Variants in UGT2B17 observed in about 807,000 individuals in gnomAD.
UGT2B17 encodes UDP glucuronosyltransferase family 2 member B17, also known as UDP-glucuronosyltransferase 2B17.
Under a neutral mutation model 48.2 loss-of-function variants are expected in UGT2B17, and 21 were observed. The observed-to-expected ratio is 0.44, with a 90% CI of 0.31 to 0.63. UGT2B17 has a LOEUF of 0.63. Ranked by LOEUF, UGT2B17 falls within the 20% of genes least tolerant of loss-of-function variation. The probability of loss-of-function intolerance (pLI) is 0.08; values close to 1 mark genes in which losing one functional copy is unlikely to be tolerated. For missense variants in UGT2B17, 402 were observed against 696.1 expected (o/e 0.58, Z 4.75); for synonymous variants, 146 against 238.4 (o/e 0.61, Z 3.57).
chr4:68,572,433 A>G (rs753362284), intron 1 of UGT2B17, among the ~76,000 whole-genome samples: 1 of 126,588 alleles, frequency 7.9e-6, no homozygotes, highest in Non-Finnish European at 1.7e-5. Context: ...ATAGAATAGC[A>G]TTATACAAAC....
In UGT2B17 at chr4:68,569,873, C is replaced by T. The variant is rs549671336; in HGVS notation, c.-64-1325G>A. ...TGCACCCAGGCACTCATTAAAACAG[C>T]ACGCTGCTCCGCACTGCCTCGTGTT... On this transcript the variant is annotated intron_variant, in intron 1 of 6. Transcript: ENST00000317746. Among the ~76,000 whole-genome samples the T allele has an allele frequency of 5.5e-5, 7 of 126,614 alleles. 1 individual carries two copies. The highest frequency in any genetic ancestry group is 1.9e-4 in the African/African-American group (7 of 37,038). The allele number at this position is 126,614 out of a possible 152,430, so 83.1% of individuals were successfully genotyped here. A position where few individuals can be genotyped will look rare whatever the true frequency, so the allele number is the denominator to read the frequency against.
At position 68,573,138 on chromosome 4, in the gene UGT2B17, A is replaced by G. The variant is rs1233346364; in HGVS notation, c.-65+2813T>C. On this transcript the variant is annotated intron_variant, in intron 1 of 6. Coordinates refer to ENST00000317746, the MANE Select transcript of UGT2B17 (RefSeq NM_001077.4). ...ACTTTATGTTTAGGTTTTTCCTAAGAGTTAGCTTATTTGCTTCTTGTGTTA... is the reference window on the plus strand; with the variant it reads ...ACTTTATGTTTAGGTTTTTCCTAAGGGTTAGCTTATTTGCTTCTTGTGTTA... Among the ~76,000 whole-genome samples, 2 of 127,488 alleles carry G rather than the reference A, an allele frequency of 1.6e-5. 1 individual carries two copies. Among genetic ancestry groups the G allele is most frequent in the East Asian group, 1.5e-3 (2 of 1,358 alleles). 83.6% of individuals were successfully genotyped at this position (127,488 alleles called of 152,430 possible). A position where few individuals can be genotyped will look rare whatever the true frequency, so the allele number is the denominator to read the frequency against.
chr4:68,554,888 C>A (rs143647579), intron 4 of UGT2B17, among the ~76,000 whole-genome samples: 1,577 of 124,682 alleles, frequency 0.013, 316 homozygotes, highest in African/African-American at 0.04. Flanking sequence ...TTTTTATAAA[C>A]CTGTAAGATG....
rs1731284127 is a variant in UGT2B17, at chr4:68,570,634, G to T, written c.-64-2086C>A. Among the ~76,000 whole-genome samples the T allele has an allele frequency of 1.6e-5, 2 of 126,366 alleles. 1 individual carries two copies. The highest frequency in any genetic ancestry group is 3.4e-5 in the Non-Finnish European group (2 of 59,658). 82.9% of individuals were successfully genotyped at this position (126,366 alleles called of 152,430 possible). A position where few individuals can be genotyped will look rare whatever the true frequency, so the allele number is the denominator to read the frequency against. On this transcript the variant is annotated intron_variant, in intron 1 of 6. Coordinates refer to ENST00000317746, the MANE Select transcript of UGT2B17 (RefSeq NM_001077.4). ...TTTACTTATGTCTTTTTGTGGAATAGACTGATAGTGATTCATATAGTACAG... is the reference window on the plus strand; with the variant it reads ...TTTACTTATGTCTTTTTGTGGAATATACTGATAGTGATTCATATAGTACAG...
rs549022546 is a variant in UGT2B17, at chr4:68,558,765, A to G, written c.1005+1772T>C. On this transcript the variant is annotated intron_variant, in intron 4 of 6. Coordinates refer to ENST00000317746, the MANE Select transcript of UGT2B17 (RefSeq NM_001077.4). ...CTCCAAAAGATTTTTTTAAAATGTA[A>G]AATGAAAATAAACCTGGGGGCCCCA... is the stretch of plus-strand genomic sequence containing the variant. 9.6e-5 allele frequency among the ~76,000 whole-genome samples: 12 copies of G among 125,508 alleles called. 2 individuals carry two copies. Among genetic ancestry groups the G allele is most frequent in the African/African-American group, 3.2e-4 (12 of 36,936 alleles). The allele number at this position is 125,508 out of a possible 152,430, so 82.3% of individuals were successfully genotyped here. A position where few individuals can be genotyped will look rare whatever the true frequency, so the allele number is the denominator to read the frequency against.
rs1410654945 is a variant in UGT2B17 at position 68,543,305 on chromosome 4, T to G, written c.1314-5401A>C. ...ATATCCACTGTTCTGCAGTGTCCGC[T>G]GCTGATACCCAGGCAAACAGGATCT... On this transcript the variant is annotated intron_variant, in intron 6 of 6. Coordinates refer to ENST00000317746, the MANE Select transcript of UGT2B17 (RefSeq NM_001077.4). Among the ~76,000 whole-genome samples, 6 of 125,710 alleles carry G rather than the reference T, an allele frequency of 4.8e-5. 2 individuals carry two copies. Among genetic ancestry groups the G allele is most frequent in the Non-Finnish European group, 8.4e-5 (5 of 59,468 alleles). 82.5% of individuals were successfully genotyped at this position (125,710 alleles called of 152,430 possible). A position where few individuals can be genotyped will look rare whatever the true frequency, so the allele number is the denominator to read the frequency against.
At chr4:68,567,575 A>G (rs62317000) in intron 2 of UGT2B17, among the ~76,000 whole-genome samples, 186 bp downstream of exon 2, 5 of 123,734 alleles carry the variant, frequency 4.0e-5, no homozygotes, top group African/African-American at 1.1e-4. Context: ...CAGTGATGGC[A>G]CCAGGGTTCT....
chr4:68,542,981 C>T (rs368730038), intron 6 of UGT2B17, among the ~76,000 whole-genome samples: 4 of 126,618 alleles, frequency 3.2e-5, no homozygotes, highest in Admixed American at 8.0e-5. Flanking sequence ...AGCTCAAGGA[C>T]GCCTGCCTGC....
At chr4:68,558,017 C>G (rs1388342031) in intron 4 of UGT2B17, among the ~76,000 whole-genome samples, 1 of 124,772 alleles carries the variant, frequency 8.0e-6, no homozygotes, top group Non-Finnish European at 1.7e-5. Context: ...CTATGGCTTG[C>G]CTCAGCTTTA....
rs536975408 is a variant in UGT2B17 at position 68,546,948 on chromosome 4, C to T, written c.1313+3729G>A. ...AAGAGGAAACAAACCAATGGAAGAA[C>T]GTTCCATGCTCATGGGTAGGAAGAA... On this transcript the variant is annotated intron_variant, in intron 6 of 6. Transcript: ENST00000317746. 1.6e-4 allele frequency among the ~76,000 whole-genome samples: 20 copies of T among 125,784 alleles called. 3 individuals carry two copies. Among genetic ancestry groups the T allele is most frequent in the African/African-American group, 4.6e-4 (17 of 36,910 alleles). 82.5% of individuals were successfully genotyped at this position (125,784 alleles called of 152,430 possible). A position where few individuals can be genotyped will look rare whatever the true frequency, so the allele number is the denominator to read the frequency against.
At chr4:68,547,963 T>C (rs1730847778) in intron 6 of UGT2B17, among the ~76,000 whole-genome samples, 1 of 126,218 alleles carries the variant, frequency 7.9e-6, no homozygotes, top group Admixed American at 8.1e-5. Context: ...TAGGAACACT[T>C]TTACACTGTT....
chr4:68,564,796 C>G (rs1456395479), intron 3 of UGT2B17, among the ~76,000 whole-genome samples: 2 of 124,832 alleles, frequency 1.6e-5, no homozygotes, highest in Non-Finnish European at 3.4e-5. Flanking sequence ...TGCCCCCAGA[C>G]TCAAGCAAGC....
intron 6 of UGT2B17, among the ~76,000 whole-genome samples, chr4:68,542,444 A>G (rs1264990802): frequency 1.6e-5 from 2 of 126,416 alleles, no homozygotes; most frequent in Admixed American, 1.6e-4. Context: ...CTTTGAATAT[A>G]TAAATTACTG....
chr4:68,542,618 C>G (rs1278146001), intron 6 of UGT2B17, among the ~76,000 whole-genome samples: 1 of 126,152 alleles, frequency 7.9e-6, no homozygotes, highest in Admixed American at 8.1e-5. Flanking sequence ...CAGCGCACCA[C>G]GTGTGAGCCA....
At chr4:68,563,690 AT>A (rs1002721604) in intron 3 of UGT2B17, among the ~76,000 whole-genome samples, 13 of 124,632 alleles carry the variant, frequency 1.0e-4, no homozygotes, top group South Asian at 3.8e-4. Flanking sequence ...GTGAGTGAGG[AT>A]TTTTTTTTGA....
At chr4:68,567,307 T>C (rs1731217765) in intron 2 of UGT2B17, among the ~76,000 whole-genome samples, 1 of 126,284 alleles carries the variant, frequency 7.9e-6, no homozygotes, top group Admixed American at 8.1e-5. Flanking sequence ...GAATCCTTCT[T>C]ATATGAAAAA....
rs201476118 is a variant in UGT2B17 at position 68,565,599 on chromosome 4, G to C, written c.846C>G (p.His282Gln). 2.2e-6 allele frequency: 3 copies of C among 1,370,588 alleles called. No homozygotes were observed. The highest frequency in any genetic ancestry group is 2.9e-6 in the Non-Finnish European group (3 of 1,050,916). The allele number at this position is 1,370,588 out of a possible 1,614,324, so 84.9% of individuals were successfully genotyped here. The part of the protein sequence containing the change: ...LPNVDFVGGL[H>Q]CKPAKPLPKE... Reference sequence around the variant, plus strand: ...TAGGCAAGGGTTTGGCTGGTTTACAGTGAAGTCCTCCAACAAAATCAACAT... The same window carrying C: ...TAGGCAAGGGTTTGGCTGGTTTACACTGAAGTCCTCCAACAAAATCAACAT... Residue 282 changes from histidine (H) to glutamine (Q), a missense_variant, in exon 3 of 7, where the codon CAC becomes CAG. By Grantham distance (24) the His-to-Gln change is conservative (BLOSUM62 0). Transcript: ENST00000317746.
intron 4 of UGT2B17, among the ~76,000 whole-genome samples, chr4:68,557,195 G>C (rs1274996424): frequency 8.0e-6 from 1 of 124,922 alleles, no homozygotes; most frequent in Admixed American, 8.2e-5. Context: ...GTGCCACAGA[G>C]GTAACAAATT....
rs750962981 is a variant in UGT2B17, at chr4:68,573,798, C to G, written c.-65+2153G>C. ...AAGCTCTTGAAAATTCTTAAGCTCA[C>G]TGCATCCTTTTAGGTCTCCAAGGAA... is the stretch of plus-strand genomic sequence containing the variant. On this transcript the variant is annotated intron_variant, in intron 1 of 6. Transcript: ENST00000317746. Among the ~76,000 whole-genome samples, 3 of 126,996 alleles carry G rather than the reference C, an allele frequency of 2.4e-5. 1 individual carries two copies. The highest frequency in any genetic ancestry group is 5.0e-5 in the Non-Finnish European group (3 of 59,784). 83.3% of individuals were successfully genotyped at this position (126,996 alleles called of 152,430 possible).
Sources: allele counts gnomAD v4.1 joint callset (sites outside exome capture counted in the v4.1 genomes callset), GRCh38; gene constraint gnomAD v4.1.1; transcripts MANE v1.5; gene names NCBI Gene and HGNC (gene_info 2026-07-23, HGNC 2026-07-21).